The following USP32 variants were observed in gnomAD, a reference collection of about 807,000 sequenced individuals.
USP32 encodes the protein ubiquitin specific peptidase 32.
In USP32, 59 loss-of-function variants were observed where a neutral mutation model predicts 204.8. The ratio of observed to expected loss-of-function variants is 0.29; its 90% CI spans 0.23 to 0.36. The LOEUF is 0.36. Among genes scored for constraint, USP32 ranks in the 10% least tolerant of loss-of-function variants. The probability of loss-of-function intolerance (pLI) is 1.00; values close to 1 mark genes in which losing one functional copy is unlikely to be tolerated. For synonymous variants in USP32, 517 were observed against 678.4 expected, an observed-to-expected ratio of 0.76 and a Z score of 3.70; for missense variants, 1,160 against 1,946.4, an observed-to-expected ratio of 0.60 and a Z score of 7.60.
chr17:60,302,092 A>G (rs1180033881), intron 2 of USP32, among the ~76,000 whole-genome samples: 1 of 148,468 alleles, frequency 6.7e-6, no homozygotes, highest in Non-Finnish European at 1.5e-5. Context: ...TTCTGAGCAC[A>G]TATATATAAA....
Position 60,190,615 on chromosome 17 carries a change from A to G in USP32, c.3590T>C (p.Val1197Ala). 1 of 1,606,062 alleles carries G rather than the reference A, an allele frequency of 6.2e-7. No homozygotes were observed. The highest frequency in any genetic ancestry group is 1.3e-5 in the African/African-American group (1 of 74,486). Residue 1197 changes from valine to alanine, a missense_variant, in exon 29 of 34, where the codon GTG (valine) becomes GCG (alanine). By Grantham distance (64) the Val-to-Ala change is moderately conservative. Coordinates refer to ENST00000300896, the MANE Select transcript of USP32 (RefSeq NM_032582.4). ...RAFIGNAYIA[V>A]DWDPTALHLR... ...GTGAAGGGCTGTGGGATCCCAATCC[A>G]CAGCGATATAGGCATTTCCAATGAA...
chr17:60,365,546 T>C (rs73320772), intron 1 of USP32, among the ~76,000 whole-genome samples: 67 of 152,092 alleles, frequency 4.4e-4, no homozygotes, highest in African/African-American at 1.5e-3. Context: ...TGAATTTAAC[T>C]TTCAAGGAAT....
chr17:60,313,546 G>T (rs529896902), intron 2 of USP32, among the ~76,000 whole-genome samples: 1 of 152,054 alleles, frequency 6.6e-6, no homozygotes, highest in South Asian at 2.1e-4. Flanking sequence ...ATAAATTCCT[G>T]AAGTCTAAGC....
intron 11 of USP32, among the ~76,000 whole-genome samples, chr17:60,238,432 C>T (rs1049963563): frequency 2.2e-4 from 34 of 152,102 alleles, no homozygotes; most frequent in African/African-American, 7.5e-4. Context: ...CTTTGGGAGG[C>T]TGAGGCAGGC....
At position 60,364,282 on chromosome 17, in the gene USP32, T is replaced by C. The variant is rs186966054; in HGVS notation, c.59-18674A>G. Reference sequence around the variant, plus strand: ...GGCCCCACTTCTTCATACAATCACATTGGGAATTAGGTTTCAACATATGAA... The same window carrying C: ...GGCCCCACTTCTTCATACAATCACACTGGGAATTAGGTTTCAACATATGAA... On this transcript the variant is annotated intron_variant, in intron 1 of 33. Coordinates refer to ENST00000300896, the MANE Select transcript of USP32 (RefSeq NM_032582.4). 1.4e-3 allele frequency among the ~76,000 whole-genome samples: 206 copies of C among 152,162 alleles called. 1 individual carries two copies. Among genetic ancestry groups the C allele is most frequent in the African/African-American group, 4.6e-3 (190 of 41,508 alleles).
At chr17:60,213,131 T>C (rs2085015061) in intron 18 of USP32, among the ~76,000 whole-genome samples, 1 of 152,250 alleles carries the variant, frequency 6.6e-6, no homozygotes, top group Non-Finnish European at 1.5e-5. Context: ...AAGTTTTTAA[T>C]GGCATGTGCA....
intron 2 of USP32, among the ~76,000 whole-genome samples, chr17:60,339,658 G>A (rs916539826): frequency 6.6e-6 from 1 of 151,254 alleles, no homozygotes; most frequent in African/African-American, 2.4e-5. Context: ...GCATTGGAAT[G>A]TATAACAGTA....
At chr17:60,388,557 G>A (rs2089773322) in intron 1 of USP32, among the ~76,000 whole-genome samples, 1 of 152,152 alleles carries the variant, frequency 6.6e-6, no homozygotes, top group African/African-American at 2.4e-5. Flanking sequence ...GTGAAATAAA[G>A]AGATGAAGAA....
intron 1 of USP32, among the ~76,000 whole-genome samples, chr17:60,415,610 A>C (rs1484306238): frequency 6.6e-6 from 1 of 152,214 alleles, no homozygotes. Flanking sequence ...TGGTGGATTA[A>C]GACAGTGTCT....
In USP32 at chr17:60,276,946, CATATAT is replaced by C. The variant is rs35211470; in HGVS notation, c.572-5471_572-5466del. 1.4e-3 allele frequency among the ~76,000 whole-genome samples: 203 copies of C among 140,758 alleles called. 2 individuals are homozygous for C. Among genetic ancestry groups the C allele is most frequent in the African/African-American group, 5.2e-3 (187 of 36,056 alleles). 92.3% of individuals were successfully genotyped at this position (140,758 alleles called of 152,430 possible). A position where few individuals can be genotyped will look rare whatever the true frequency, so the allele number is the denominator to read the frequency against. On this transcript the variant is annotated intron_variant, in intron 5 of 33. Coordinates refer to ENST00000300896, the MANE Select transcript of USP32 (RefSeq NM_032582.4). ...AGCAAGCTAAAGTAGATTACATATA[CATATAT>C]ATATATATATATATAAAATTACCAA...
intron 15 of USP32, among the ~76,000 whole-genome samples, chr17:60,220,618 A>C (rs910762729): frequency 1.3e-5 from 2 of 152,080 alleles, no homozygotes; most frequent in Non-Finnish European, 2.9e-5. Context: ...TCATATTCTA[A>C]AAGGATAGCA....
chr17:60,333,888 A>G (rs2088450216), intron 2 of USP32, among the ~76,000 whole-genome samples: 1 of 152,240 alleles, frequency 6.6e-6, no homozygotes, highest in Non-Finnish European at 1.5e-5. Flanking sequence ...TTTACGTATC[A>G]AACAATTCAA....
At chr17:60,390,466 C>A (rs908623357) in intron 1 of USP32, among the ~76,000 whole-genome samples, 1 of 152,150 alleles carries the variant, frequency 6.6e-6, no homozygotes, top group Non-Finnish European at 1.5e-5. Flanking sequence ...TGGAATATTT[C>A]TCATATTGGG....
chr17:60,405,352 A>C (rs972785421), intron 1 of USP32, among the ~76,000 whole-genome samples: 2 of 151,564 alleles, frequency 1.3e-5, no homozygotes, highest in Non-Finnish European at 2.9e-5. Context: ...ACAGGCACAC[A>C]CCTCCAAGCC....
chr17:60,184,579 T>A (rs1246089237), intron 30 of USP32, among the ~76,000 whole-genome samples: 2 of 151,894 alleles, frequency 1.3e-5, no homozygotes, highest in African/African-American at 2.4e-5. Context: ...GAGGCCAAGG[T>A]GGGCAGATCA....
At chr17:60,221,470 T>C (rs1336087623) in intron 15 of USP32, among the ~76,000 whole-genome samples, 2 of 151,978 alleles carry the variant, frequency 1.3e-5, no homozygotes, top group Non-Finnish European at 2.9e-5. Context: ...CATAAGGAAG[T>C]TTTAGCTTGG....
intron 4 of USP32, among the ~76,000 whole-genome samples, chr17:60,292,012 A>T (rs2087290852): frequency 6.6e-6 from 1 of 151,426 alleles, no homozygotes; most frequent in Admixed American, 6.6e-5. Context: ...ATTCCACAGG[A>T]CCTACACCAA....
intron 2 of USP32, among the ~76,000 whole-genome samples, chr17:60,327,015 T>C (rs574319717): frequency 7.9e-5 from 12 of 152,182 alleles, no homozygotes; most frequent in African/African-American, 2.9e-4. Context: ...TGGTTATGTA[T>C]AGAAAAGTAC....
intron 1 of USP32, among the ~76,000 whole-genome samples, chr17:60,374,352 G>A (rs929264070): frequency 5.3e-4 from 81 of 151,724 alleles, no homozygotes; most frequent in African/African-American, 1.8e-3. Context: ...GCCTTCTTCT[G>A]AAATACCTCC....
Sources: gnomAD v4.1 joint callset for allele counts (sites outside exome capture counted in the v4.1 genomes callset) on GRCh38, gnomAD v4.1.1 for gene constraint, MANE v1.5 for transcripts, NCBI Gene and HGNC (gene_info 2026-07-23, HGNC 2026-07-21) for gene names.